Variants in PDE1A observed in about 807,000 individuals in gnomAD.
PDE1A encodes the protein phosphodiesterase 1A, also known as dual specificity calcium/calmodulin-dependent 3',5'-cyclic nucleotide phosphodiesterase 1A.
PDE1A carries 35 observed loss-of-function variants against 61.7 expected under a neutral mutation model. The ratio of observed to expected loss-of-function variants is 0.57; its 90% confidence interval spans 0.43 to 0.75. PDE1A has a LOEUF of 0.75. Among genes scored for constraint, PDE1A ranks in the 30% least tolerant of loss-of-function variants. The probability of loss-of-function intolerance (pLI) is 0.00; values close to 1 mark genes in which losing one functional copy is unlikely to be tolerated. For synonymous variants in PDE1A, 232 were observed against 213.2 expected, an observed-to-expected ratio of 1.09 and a Z score of -0.77; for missense variants, 597 against 630.6, an observed-to-expected ratio of 0.95 and a Z score of 0.57.
At chr2:182,232,609 G>A (rs546514794) in intron 4 of PDE1A, among the ~76,000 whole-genome samples, 135 of 152,202 alleles carry the variant, frequency 8.9e-4, no homozygotes, top group African/African-American at 3.1e-3. Flanking sequence ...CTTGTATGTC[G>A]TTATTAAATT....
At chr2:182,384,879 A>G (rs996688265) in intron 1 of PDE1A, among the ~76,000 whole-genome samples, 3 of 152,176 alleles carry the variant, frequency 2.0e-5, no homozygotes, top group African/African-American at 7.2e-5. Flanking sequence ...TTATAATCAA[A>G]CTGTCAAAAA....
intron 1 of PDE1A, among the ~76,000 whole-genome samples, chr2:182,315,732 C>G (rs1381645179): frequency 6.6e-6 from 1 of 152,140 alleles, no homozygotes; most frequent in Non-Finnish European, 1.5e-5. Flanking sequence ...ATGTAGGATG[C>G]TTTAGTGCCT....
At chr2:182,323,982 G>C (rs944097870) in intron 1 of PDE1A, among the ~76,000 whole-genome samples, 1 of 152,066 alleles carries the variant, frequency 6.6e-6, no homozygotes, top group Non-Finnish European at 1.5e-5. Flanking sequence ...ATCAATCAGA[G>C]ACTCGCTACA....
At chr2:182,332,988 A>T (rs1204453831) in intron 1 of PDE1A, among the ~76,000 whole-genome samples, 1 of 152,252 alleles carries the variant, frequency 6.6e-6, no homozygotes, top group Non-Finnish European at 1.5e-5. Context: ...AAAGAAGGGC[A>T]TTACATAATG....
chr2:182,213,865 C>G (rs2125551501), intron 7 of PDE1A, among the ~76,000 whole-genome samples: 1 of 110,418 alleles, frequency 9.1e-6, no homozygotes, highest in Non-Finnish European at 1.9e-5. Flanking sequence ...TCCAGGAGAA[C>G]TTCCCCAATC....
At chr2:182,466,025 G>A (rs1686636396) in intron 2 of PDE1A, among the ~76,000 whole-genome samples, 1 of 151,776 alleles carries the variant, frequency 6.6e-6, no homozygotes, top group East Asian at 1.9e-4. Context: ...GAATTTTAAG[G>A]TGTTGCCTAC....
intron 1 of PDE1A, among the ~76,000 whole-genome samples, chr2:182,368,791 G>T (rs563754970): frequency 3.4e-4 from 52 of 152,002 alleles, no homozygotes; most frequent in Non-Finnish European, 6.5e-4. Flanking sequence ...AAAAAATAAG[G>T]ATAATAAAAC....
At chr2:182,499,519 C>T (rs1015677273) in intron 2 of PDE1A, among the ~76,000 whole-genome samples, 2 of 152,096 alleles carry the variant, frequency 1.3e-5, no homozygotes, top group African/African-American at 4.8e-5. Flanking sequence ...CCACTGCACC[C>T]GGACTAAGGT....
chr2:182,364,466 TA>T (rs201821721), intron 1 of PDE1A, among the ~76,000 whole-genome samples: 823 of 35,694 alleles, frequency 0.023, 3 homozygotes, highest in Admixed American at 0.039. Context: ...AACACTTTGG[TA>T]AAAAAAAAAA....
chr2:182,650,725 G>A, the PDE1A span, among the ~76,000 whole-genome samples: 140 of 152,206 alleles, frequency 9.2e-4, no homozygotes, highest in African/African-American at 2.9e-3. Flanking sequence ...CTTTTTTAAC[G>A]TAAGTATACT....
chr2:182,564,978 C>T, the PDE1A span, among the ~76,000 whole-genome samples: 1 of 152,170 alleles, frequency 6.6e-6, no homozygotes, highest in South Asian at 2.1e-4. Context: ...AAGTTTTCAA[C>T]TTCTTTGCCT....
At chr2:182,164,315 G>A (rs1399256761), downstream of PDE1A, among the ~76,000 whole-genome samples, 2 of 152,098 alleles carry the variant, frequency 1.3e-5, no homozygotes, top group Admixed American at 1.3e-4. Flanking sequence ...CCTACAATCA[G>A]TTGACAGAGG....
intron 1 of PDE1A, among the ~76,000 whole-genome samples, chr2:182,342,053 A>G (rs2125043609): frequency 6.6e-6 from 1 of 152,258 alleles, no homozygotes; most frequent in South Asian, 2.1e-4. Context: ...AACAGGCATG[A>G]GCCACCACAC....
At chr2:182,663,230 G>C in the PDE1A span, among the ~76,000 whole-genome samples, 1 of 152,216 alleles carries the variant, frequency 6.6e-6, no homozygotes. Context: ...TACATTGTTG[G>C]TGGGAGTGTA....
At chr2:182,436,095 G>C (rs1172582225) in intron 2 of PDE1A, among the ~76,000 whole-genome samples, 1 of 151,836 alleles carries the variant, frequency 6.6e-6, no homozygotes, top group African/African-American at 2.4e-5. Context: ...TATAGAAATA[G>C]GTTACAACAC....
At chr2:182,442,486 C>T (rs1684856330) in intron 2 of PDE1A, among the ~76,000 whole-genome samples, 1 of 151,880 alleles carries the variant, frequency 6.6e-6, no homozygotes. Flanking sequence ...AGTATTTTAC[C>T]TGTATTAAAT....
At chr2:182,634,672 A>G in the PDE1A span, among the ~76,000 whole-genome samples, 5 of 152,208 alleles carry the variant, frequency 3.3e-5, no homozygotes, top group Admixed American at 3.3e-4. Context: ...CATGGGGAGC[A>G]TTATGCGGTA....
chr2:182,155,364 C>G (rs377583799), intron 13 of PDE1A, among the ~76,000 whole-genome samples: 2 of 152,072 alleles, frequency 1.3e-5, no homozygotes, highest in African/African-American at 2.4e-5. Flanking sequence ...GTTGGGATTA[C>G]GGGCATGAGC....
chr2:182,585,775 T>G, the PDE1A span, among the ~76,000 whole-genome samples: 1 of 152,316 alleles, frequency 6.6e-6, no homozygotes, highest in East Asian at 1.9e-4. Context: ...GTAAGTCTGA[T>G]TAGTAATCAG....
Sources: allele counts gnomAD v4.1 joint callset (sites outside exome capture counted in the v4.1 genomes callset), GRCh38; gene constraint gnomAD v4.1.1; transcripts MANE v1.5; gene names NCBI Gene and HGNC (gene_info 2026-07-23, HGNC 2026-07-21).